The following HEATR9 variants were observed in gnomAD, a reference collection of about 807,000 sequenced individuals.
HEATR9 encodes HEAT repeat containing 9.
HEATR9 carries 54 observed loss-of-function variants against 68.2 expected under a neutral mutation model. The ratio of observed to expected loss-of-function variants is 0.79; its 90% CI spans 0.64 to 0.99. The LOEUF (loss-of-function observed/expected upper bound fraction) is 0.99, where lower values mean the gene tolerates loss of function less well. Among genes scored for constraint, HEATR9 ranks in the 50% least tolerant of loss-of-function variants. HEATR9 has a pLI of 0.00. For missense variants in HEATR9, 662 were observed against 679.7 expected (o/e 0.97, Z 0.29); for synonymous variants, 241 against 253.5 (o/e 0.95, Z 0.47).
chr17:35,854,987 G>A lies in HEATR9; in HGVS notation c.*76C>T, dbSNP rs2087719054. Reference sequence around the variant, plus strand: ...ACACTTGTTTATTCACGGAAGATAAGTATAGATTGTTTTCTCATGGGAGCC... The same window carrying A: ...ACACTTGTTTATTCACGGAAGATAAATATAGATTGTTTTCTCATGGGAGCC... On this transcript the variant is annotated 3_prime_UTR_variant, in exon 15 of 15. Coordinates refer to ENST00000604834, the MANE Select transcript of HEATR9 (RefSeq NM_152781.4). 1 of 1,185,796 alleles carries A rather than the reference G, an allele frequency of 8.4e-7. No individual in the cohort carries two copies. The allele number at this position is 1,185,796 out of a possible 1,614,324, so 73.5% of individuals were successfully genotyped here. A position where few individuals can be genotyped will look rare whatever the true frequency, so the allele number is the denominator to read the frequency against.
In HEATR9 at chr17:35,855,649, G is replaced by A. The variant is rs766519994; in HGVS notation, c.1365+15C>T. ...CTAGAGAAGAGGAAGAAGTGGGCAG[G>A]AACGCCTTACTTACACTCTTCTTCA... On this transcript the variant is annotated intron_variant, in intron 14 of 14. Coordinates refer to ENST00000604834, the MANE Select transcript of HEATR9 (RefSeq NM_152781.4). 13 of 1,611,012 alleles carry A rather than the reference G, an allele frequency of 8.1e-6. No individual in the cohort carries two copies. The Admixed American group carries it at 2.2e-4, about 27-fold the overall frequency.
chr17:35,860,106 C>G (rs1317963239), intron 8 of HEATR9, among the ~76,000 whole-genome samples: 1 of 151,976 alleles, frequency 6.6e-6, no homozygotes, highest in South Asian at 2.1e-4. Context: ...AAGAACATTG[C>G]TATTTTTCGG....
chr17:35,864,416 A>G, intron 5 of HEATR9, 81 bp downstream of exon 5: 3 of 1,550,918 alleles, frequency 1.9e-6, no homozygotes, highest in African/African-American at 1.4e-5. Flanking sequence ...CACAACCACC[A>G]TCACGTCAAG....
intron 6 of HEATR9, 83 bp downstream of exon 6, chr17:35,864,163 G>A (rs747338586): frequency 2.7e-5 from 32 of 1,178,950 alleles, no homozygotes; most frequent in African/African-American, 2.7e-4. Flanking sequence ...CTAGCACCCC[G>A]GGGAGCCTCG....
At chr17:35,863,675 G>A (rs2088084679) in intron 6 of HEATR9, 116 bp from the exon 7 acceptor site, 1 of 1,116,170 alleles carries the variant, frequency 9.0e-7, no homozygotes, top group Admixed American at 1.9e-5. Flanking sequence ...AGCCTAGAAA[G>A]TGACCTATCT....
In HEATR9 at chr17:35,861,006, A is replaced by G. The variant is rs530507694; in HGVS notation, c.757-1936T>C. 12 of 624,876 alleles carry G rather than the reference A, an allele frequency of 1.9e-5. No individual in the cohort carries two copies. The African/African-American group carries it at 2.0e-4, about 10-fold the overall frequency. 38.7% of individuals were successfully genotyped at this position (624,876 alleles called of 1,614,324 possible). A position where few individuals can be genotyped will look rare whatever the true frequency, so the allele number is the denominator to read the frequency against. On this transcript the variant is annotated intron_variant, in intron 8 of 14. Transcript: ENST00000604834. Reference sequence around the variant, plus strand: ...GGTTGCAGTGAGCCGAGATCATGCCACTGCACTCCAGCTTGGGTGACAGAG... The same window carrying G: ...GGTTGCAGTGAGCCGAGATCATGCCGCTGCACTCCAGCTTGGGTGACAGAG...
At position 35,858,877 on chromosome 17, in the gene HEATR9, G is replaced by T. The variant is rs1320722625; in HGVS notation, c.939+11C>A. 1 of 1,611,610 alleles carries T rather than the reference G, an allele frequency of 6.2e-7. No homozygotes were observed. Among genetic ancestry groups the T allele is most frequent in the Admixed American group, 1.7e-5 (1 of 59,988 alleles). ...GTTTCCCCAGGGATCCCAGCCTCCT[G>T]CCCCTCACACCTTCATCCGCTGGGT... On this transcript the variant is annotated intron_variant, in intron 9 of 14. Transcript: ENST00000604834.
chr17:35,862,372 G>C (rs1173422025), intron 8 of HEATR9, among the ~76,000 whole-genome samples: 1 of 152,102 alleles, frequency 6.6e-6, no homozygotes, highest in Non-Finnish European at 1.5e-5. Context: ...TTTACATAGA[G>C]CAATGATGGG....
In HEATR9 at chr17:35,858,471, C is replaced by T. The variant is rs1308590601; in HGVS notation, c.994G>A (p.Ala332Thr). The T allele has an allele frequency of 1.2e-6, 2 of 1,614,120 alleles. No homozygotes were observed. The highest frequency in any genetic ancestry group is 2.2e-5 in the South Asian group (2 of 91,068). ...GAAGAACACAGCTGGTCTAGGATGG[C>T]CTTGATGACTGGGGCTGAGTGCACG... ...MHVHSAPVIKAILDQLCSSSV... is the reference protein window; with the variant it reads ...MHVHSAPVIKTILDQLCSSSV... The change falls in exon 10 of 15, where the codon GCC (alanine) becomes ACC (threonine). Residue 332 changes from alanine to threonine, a missense_variant. Physicochemically the swap from Ala to Thr is moderately conservative, Grantham distance 58. Coordinates refer to ENST00000604834, the MANE Select transcript of HEATR9 (RefSeq NM_152781.4).
rs2088080334 is a variant in HEATR9, at chr17:35,863,576, G to A, written c.568-17C>T. 6.2e-7 allele frequency: 1 copy of A among 1,613,748 alleles called. No individual in the cohort carries two copies. Among genetic ancestry groups the A allele is most frequent in the African/African-American group, 1.3e-5 (1 of 75,048 alleles). On this transcript the variant is annotated splice_polypyrimidine_tract_variant and intron_variant, in intron 6 of 14. Transcript: ENST00000604834. ...AGTTTGGGCCTAATTTAAGAGGCGG[G>A]TGGTAGGAACATATAATAAGGTGAT...
intron 1 of HEATR9, 21 bp from the exon 2 acceptor site, chr17:35,866,794 A>G (rs767420494): frequency 6.2e-7 from 1 of 1,612,560 alleles, no homozygotes; most frequent in Non-Finnish European, 8.5e-7. Flanking sequence ...GGATAAGAGT[A>G]TGTGTGTGGT....
In HEATR9 at chr17:35,864,890, C is replaced by T. The variant is rs886083668; in HGVS notation, c.321G>A (p.Arg107=). 1.2e-6 allele frequency: 2 copies of T among 1,614,014 alleles called. No homozygotes were observed. Among genetic ancestry groups the T allele is most frequent in the East Asian group, 2.2e-5 (1 of 44,904 alleles). ...GGGTTTGATGTACCTCTTTGATGTA[C>T]CTGTGTGAGAAATTGCATAGGCAGC... is the stretch of plus-strand genomic sequence containing the variant. ...KMLRKMRDDC[R]YIKEVHQTHI... is the part of the protein sequence containing the mutation. Residue 107 remains arginine (R), a splice_region_variant and synonymous_variant, in exon 4 of 15, where the codon AGG becomes AGA. Coordinates refer to ENST00000604834, the MANE Select transcript of HEATR9 (RefSeq NM_152781.4).
intron 13 of HEATR9, 64 bp from the exon 14 acceptor site, chr17:35,855,814 C>T (rs2087750768): frequency 1.5e-6 from 2 of 1,321,366 alleles, no homozygotes; most frequent in Admixed American, 1.7e-5. Flanking sequence ...ATACTCTTTC[C>T]CATTCTAGCC....
chr17:35,857,397 G>GAGCC (rs2087810535), intron 11 of HEATR9, among the ~76,000 whole-genome samples: 1 of 152,152 alleles, frequency 6.6e-6, no homozygotes, highest in African/African-American at 2.4e-5. Flanking sequence ...AGGGCATTGG[G>GAGCC]AGCCAATAGA....
chr17:35,864,467 C>G (rs1049702269), intron 5 of HEATR9, 30 bp downstream of exon 5: 6 of 1,609,108 alleles, frequency 3.7e-6, no homozygotes. Flanking sequence ...CTGGCTGTAA[C>G]CACCCTCCTC....
chr17:35,854,982 G>A lies in HEATR9; in HGVS notation c.*81C>T. On this transcript the variant is annotated 3_prime_UTR_variant, in exon 15 of 15. Coordinates refer to ENST00000604834, the MANE Select transcript of HEATR9 (RefSeq NM_152781.4). ...GAGTGACACTTGTTTATTCACGGAA[G>A]ATAAGTATAGATTGTTTTCTCATGG... 1 of 1,137,202 alleles carries A rather than the reference G, an allele frequency of 8.8e-7. No individual in the cohort carries two copies. The highest frequency in any genetic ancestry group is 1.3e-6 in the Non-Finnish European group (1 of 783,630). The allele number at this position is 1,137,202 out of a possible 1,614,324, so 70.4% of individuals were successfully genotyped here.
chr17:35,857,341 G>C (rs894178205), intron 11 of HEATR9, among the ~76,000 whole-genome samples: 1 of 152,194 alleles, frequency 6.6e-6, no homozygotes, highest in African/African-American at 2.4e-5. Context: ...GATGAAGCTA[G>C]AGAGGCAAGC....
chr17:35,867,428 C>CA lies in HEATR9; in HGVS notation c.89-656dup, dbSNP rs11315915. On this transcript the variant is annotated intron_variant, in intron 1 of 14. Transcript: ENST00000604834. ...CCAGCCTGGGTAACAGAGCAAGACT[C>CA]AAAAAAAAAAAAAAAAAAAAAAAAA... is the stretch of plus-strand genomic sequence containing the variant. Among the ~76,000 whole-genome samples, 265 of 40,098 alleles carry CA rather than the reference C, an allele frequency of 6.6e-3. 28 individuals carry two copies. The highest frequency in any genetic ancestry group is 0.059 in the Middle Eastern group (2 of 34). The allele number at this position is 40,098 out of a possible 152,430, so 26.3% of individuals were successfully genotyped here. A position where few individuals can be genotyped will look rare whatever the true frequency, so the allele number is the denominator to read the frequency against.
chr17:35,861,388 C>G, intron 8 of HEATR9: 1 of 1,606,604 alleles, frequency 6.2e-7, no homozygotes, highest in Non-Finnish European at 8.5e-7. Flanking sequence ...AAGCTCTTTA[C>G]CAGCTGCTTT....
Sources: gnomAD v4.1 joint callset for allele counts (sites outside exome capture counted in the v4.1 genomes callset) on GRCh38, gnomAD v4.1.1 for gene constraint, MANE v1.5 for transcripts, NCBI Gene and HGNC (gene_info 2026-07-23, HGNC 2026-07-21) for gene names.